The following CYB5B variants were observed in gnomAD, a reference collection of about 807,000 sequenced individuals.
CYB5B encodes the protein cytochrome b5 type B (outer mitochondrial membrane).
In CYB5B, 14 loss-of-function variants were observed where a neutral mutation model predicts 21.3. The observed-to-expected ratio is 0.66, with a 90% confidence interval of 0.43 to 1.03. The LOEUF is 1.03. CYB5B is among the 50% of genes least tolerant of loss of function. CYB5B has a pLI of 0.00. For missense variants in CYB5B, 166 were observed against 185.1 expected (o/e 0.90, Z 0.60); for synonymous variants, 69 against 68.4 (o/e 1.01, Z -0.04).
intron 3 of CYB5B, among the ~76,000 whole-genome samples, chr16:69,453,715 C>T (rs1291441776): frequency 2.6e-5 from 4 of 152,020 alleles, no homozygotes; most frequent in Non-Finnish European, 5.9e-5. Flanking sequence ...CCTACCACCA[C>T]GCCTGGCTAA....
intron 3 of CYB5B, among the ~76,000 whole-genome samples, chr16:69,458,197 G>A (rs1333368807): frequency 6.6e-6 from 1 of 152,022 alleles, no homozygotes; most frequent in Non-Finnish European, 1.5e-5. Context: ...ACAAATCAAT[G>A]GTTTTTAGTG....
In CYB5B at chr16:69,463,621, T is replaced by C. The variant is rs1289386598; in HGVS notation, c.*1101T>C. Reference sequence around the variant, plus strand: ...TTTTTGATTCTCCATTTTCCAAAAGTAAGAGACTCCAGCATGGCCTTCTGT... The same window carrying C: ...TTTTTGATTCTCCATTTTCCAAAAGCAAGAGACTCCAGCATGGCCTTCTGT... On this transcript the variant is annotated 3_prime_UTR_variant, in exon 5 of 5. Coordinates refer to ENST00000307892, the MANE Select transcript of CYB5B (RefSeq NM_030579.3). The C allele has an allele frequency of 8.5e-5, 13 of 152,222 alleles. No individual in the cohort carries two copies. The highest frequency in any genetic ancestry group is 6.5e-4 in the Admixed American group (10 of 15,286). The allele number at this position is 152,222 out of a possible 1,614,324, so 9.4% of individuals were successfully genotyped here. A position where few individuals can be genotyped will look rare whatever the true frequency, so the allele number is the denominator to read the frequency against.
chr16:69,443,023 A>G (rs2014841268), intron 1 of CYB5B, among the ~76,000 whole-genome samples: 1 of 152,114 alleles, frequency 6.6e-6, no homozygotes, highest in African/African-American at 2.4e-5. Context: ...ATTGTGGCTC[A>G]CTGAAAACTT....
intron 3 of CYB5B, 119 bp from the exon 4 acceptor site, chr16:69,458,974 T>C (rs2142827882): frequency 3.5e-6 from 3 of 854,014 alleles, no homozygotes; most frequent in East Asian, 5.7e-5. Context: ...GCATGAAAGA[T>C]GAAGTTCTGG....
chr16:69,425,900 T>A (rs1316682833), intron 1 of CYB5B, among the ~76,000 whole-genome samples: 1 of 152,230 alleles, frequency 6.6e-6, no homozygotes. Context: ...GAAGCAAATA[T>A]ACTAGTGAAA....
Position 69,424,762 on chromosome 16 carries a change from T to TA in CYB5B, c.80dup (p.Tyr27Ter). ...GQEVETSVTY[Y>*]RLEEVAKRNS... is the part of the protein sequence containing the mutation. ...GGAAGTCGAGACCTCAGTCACCTAT[T>TA]ACCGGTTGGAGGAGGTGGCAAAGCG... The change falls in exon 1 of 5, where the codon TAC becomes TAAC. Residue 27 changes from tyrosine to a stop codon, truncating the protein, a stop_gained and frameshift_variant. Coordinates refer to ENST00000307892, the MANE Select transcript of CYB5B (RefSeq NM_030579.3). LOFTEE classifies it high-confidence loss of function. 1 of 1,605,100 alleles carries TA rather than the reference T, an allele frequency of 6.2e-7. No individual in the cohort carries two copies. Among genetic ancestry groups the TA allele is most frequent in the Non-Finnish European group, 8.5e-7 (1 of 1,175,838 alleles).
At chr16:69,460,107 G>A (rs990363820) in intron 4 of CYB5B, among the ~76,000 whole-genome samples, 1 of 151,968 alleles carries the variant, frequency 6.6e-6, no homozygotes, top group African/African-American at 2.4e-5. Context: ...AATTAGCTGG[G>A]CATGGTGGTG....
intron 1 of CYB5B, among the ~76,000 whole-genome samples, chr16:69,426,481 C>T (rs1395727468): frequency 2.0e-5 from 3 of 150,614 alleles, no homozygotes; most frequent in African/African-American, 4.9e-5. Context: ...CTGAGGCGGG[C>T]GGATCACGAG....
At chr16:69,434,862 CAAAAAAAAAA>C (rs569014074) in intron 1 of CYB5B, among the ~76,000 whole-genome samples, 2 of 116,644 alleles carry the variant, frequency 1.7e-5, no homozygotes, top group Non-Finnish European at 3.4e-5. Flanking sequence ...GACTTCATCT[CAAAAAAAAAA>C]AAAAAAAAAT....
intron 1 of CYB5B, among the ~76,000 whole-genome samples, chr16:69,436,225 C>T (rs188898473): frequency 1.1e-4 from 16 of 152,276 alleles, no homozygotes; most frequent in Non-Finnish European, 1.8e-4. Context: ...ATGGGACAGG[C>T]GTGGTCTCTG....
chr16:69,437,289 C>T (rs1431543067), intron 1 of CYB5B, among the ~76,000 whole-genome samples: 1 of 151,990 alleles, frequency 6.6e-6, no homozygotes, highest in East Asian at 1.9e-4. Context: ...ACAAAGAGTC[C>T]ATTAGTGTTA....
intron 3 of CYB5B, chr16:69,448,425 A>G (rs1376989603): frequency 2.4e-6 from 1 of 416,728 alleles, no homozygotes; most frequent in East Asian, 4.6e-5. Context: ...AAATTAGTTT[A>G]TGGGTTCAGT....
chr16:69,454,089 T>C (rs573801635), intron 3 of CYB5B, among the ~76,000 whole-genome samples: 1 of 152,330 alleles, frequency 6.6e-6, no homozygotes, highest in African/African-American at 2.4e-5. Flanking sequence ...AGCCCTCCAA[T>C]GTTATAACAA....
chr16:69,455,252 T>C (rs956994673), intron 3 of CYB5B, among the ~76,000 whole-genome samples: 4 of 152,190 alleles, frequency 2.6e-5, no homozygotes, highest in African/African-American at 4.8e-5. Context: ...CCTACATTTA[T>C]GTCCTGATGA....
chr16:69,439,436 C>G (rs985039982), intron 1 of CYB5B, among the ~76,000 whole-genome samples: 1 of 152,108 alleles, frequency 6.6e-6, no homozygotes, highest in African/African-American at 2.4e-5. Flanking sequence ...GTCTGGAACT[C>G]CTGACCTCAT....
intron 4 of CYB5B, chr16:69,459,328 C>A: frequency 3.5e-6 from 2 of 572,642 alleles, no homozygotes; most frequent in Non-Finnish European, 5.8e-6. Context: ...CTAAAAGTTT[C>A]ATGCCTTGAG....
At chr16:69,430,994 G>GTATTTATT (rs927822244) in intron 1 of CYB5B, among the ~76,000 whole-genome samples, 1 of 143,462 alleles carries the variant, frequency 7.0e-6, no homozygotes. Context: ...CTTTATATGT[G>GTATTTATT]TATTTATTTA....
chr16:69,430,127 A>T (rs899045581), intron 1 of CYB5B, among the ~76,000 whole-genome samples: 2 of 152,198 alleles, frequency 1.3e-5, no homozygotes, highest in African/African-American at 4.8e-5. Context: ...AATGATTGTA[A>T]TATCTTATGA....
rs1007471361 is a variant in CYB5B, at chr16:69,465,659, C to T, written c.*3139C>T. On this transcript the variant is annotated 3_prime_UTR_variant, in exon 5 of 5. Coordinates refer to ENST00000307892, the MANE Select transcript of CYB5B (RefSeq NM_030579.3). ...GCTTTACAGGCCTGGAGTATCATTA[C>T]TTATGGTATCTCCTGCTTTAAAATC... is the stretch of plus-strand genomic sequence containing the variant. 6.6e-6 allele frequency: 1 copy of T among 152,164 alleles called. No homozygotes were observed. Among genetic ancestry groups the T allele is most frequent in the African/African-American group, 2.4e-5 (1 of 41,440 alleles). The allele number at this position is 152,164 out of a possible 1,614,324, so 9.4% of individuals were successfully genotyped here.
Sources: allele counts gnomAD v4.1 joint callset (sites outside exome capture counted in the v4.1 genomes callset), GRCh38; gene constraint gnomAD v4.1.1; transcripts MANE v1.5; gene names NCBI Gene and HGNC (gene_info 2026-07-23, HGNC 2026-07-21).